SLC44A1: variants seen among roughly 807,000 people sequenced by gnomAD.
SLC44A1 encodes choline transporter-like protein 1.
A neutral mutation model predicts 79.3 loss-of-function variants in SLC44A1; 26 were observed. The ratio of observed to expected loss-of-function variants is 0.33; its 90% CI spans 0.24 to 0.46. The LOEUF is 0.46. Among genes scored for constraint, SLC44A1 ranks in the 20% least tolerant of loss-of-function variants. The pLI is 1.00. For synonymous variants in SLC44A1, 263 were observed against 286.2 expected (o/e 0.92, Z 0.82); for missense variants, 688 against 798.1 (o/e 0.86, Z 1.66).
In SLC44A1 at chr9:105,390,723, A is replaced by T; in HGVS notation, c.*1667A>T. 1.0e-6 allele frequency: 1 copy of T among 985,628 alleles called. No individual in the cohort carries two copies. The highest frequency in any genetic ancestry group is 1.2e-6 in the Non-Finnish European group (1 of 829,780). The allele number at this position is 985,628 out of a possible 1,614,324, so 61.1% of individuals were successfully genotyped here. On this transcript the variant is annotated 3_prime_UTR_variant, in exon 16 of 16. Coordinates refer to ENST00000374720, the MANE Select transcript of SLC44A1 (RefSeq NM_080546.5). ...GCTAAATGCCTTGGTTTCTTTTAAA[A>T]GTTCATGTAATATTTCTGATTTTTC...
intron 13 of SLC44A1, among the ~76,000 whole-genome samples, chr9:105,379,376 A>G (rs1373804450): frequency 6.6e-6 from 1 of 152,198 alleles, no homozygotes; most frequent in Non-Finnish European, 1.5e-5. Flanking sequence ...AACAAAGTGA[A>G]GGGTTCCAGT....
chr9:105,291,777 A>T (rs890492972), intron 1 of SLC44A1, among the ~76,000 whole-genome samples: 10 of 152,194 alleles, frequency 6.6e-5, no homozygotes, highest in African/African-American at 2.4e-4. Context: ...TTTGCTTGTC[A>T]TGAGGTATAG....
Position 105,364,649 on chromosome 9 carries a change from G to A in SLC44A1, c.1182G>A (p.Trp394Ter). The change falls in exon 10 of 16, where the codon TGG (tryptophan) becomes TGA (stop). Residue 394 changes from tryptophan (W) to a stop codon, truncating the protein, a stop_gained. Transcript: ENST00000374720. LOFTEE classifies it high-confidence loss of function. ...MWWYHVVGLI[W>*]ISEFILACQQ... ...GGTACCATGTGGTGGGCCTGATTTG[G>A]ATCAGTGAATTTATTCTAGCATGTC... 6.2e-7 allele frequency: 1 copy of A among 1,614,140 alleles called. No homozygotes were observed. The highest frequency in any genetic ancestry group is 8.5e-7 in the Non-Finnish European group (1 of 1,179,996).
chr9:105,397,028 C>CG lies in SLC44A1; in HGVS notation c.*7972_*7973insG. The CG allele has an allele frequency of 1.0e-6, 1 of 985,090 alleles. No individual in the cohort carries two copies. The highest frequency in any genetic ancestry group is 4.7e-5 in the South Asian group (1 of 21,280). 61.0% of individuals were successfully genotyped at this position (985,090 alleles called of 1,614,324 possible). ...CTTTGCAGATGGAGCATTATGCTCT[C>CG]AGAGGACTTTAAAAATATGTATATT... On this transcript the variant is annotated 3_prime_UTR_variant, in exon 16 of 16. Coordinates refer to ENST00000374720, the MANE Select transcript of SLC44A1 (RefSeq NM_080546.5).
At chr9:105,267,572 C>G (rs1389970145) in intron 1 of SLC44A1, among the ~76,000 whole-genome samples, 1 of 152,076 alleles carries the variant, frequency 6.6e-6, no homozygotes, top group Non-Finnish European at 1.5e-5. Flanking sequence ...TTTATTTCTG[C>G]TATGATTTCT....
chr9:105,330,966 C>A (rs1175153271), intron 3 of SLC44A1, among the ~76,000 whole-genome samples: 1 of 152,214 alleles, frequency 6.6e-6, no homozygotes, highest in Admixed American at 6.5e-5. Flanking sequence ...TCTGTATCAT[C>A]TGATCATGCT....
rs1317927088 is a variant in SLC44A1 at position 105,269,401 on chromosome 9, T to TTCC, written c.36+24501_36+24503dup. 7.9e-5 allele frequency among the ~76,000 whole-genome samples: 12 copies of TTCC among 152,210 alleles called. No individual in the cohort carries two copies. The South Asian group carries it at 8.3e-4, about 11-fold the overall frequency. On this transcript the variant is annotated intron_variant, in intron 1 of 15. Coordinates refer to ENST00000374720, the MANE Select transcript of SLC44A1 (RefSeq NM_080546.5). ...ACAGCTGACCTGTACTTTAGTCCAT[T>TTCC]TCCTCCCATGTTATCCCCTGAAATA...
intron 3 of SLC44A1, among the ~76,000 whole-genome samples, chr9:105,320,749 A>G (rs945879718): frequency 6.6e-6 from 1 of 152,100 alleles, no homozygotes; most frequent in African/African-American, 2.4e-5. Context: ...GTCACCATGC[A>G]TGTCTCTGTT....
At chr9:105,339,874 T>G (rs1279951808) in intron 4 of SLC44A1, among the ~76,000 whole-genome samples, 1 of 152,038 alleles carries the variant, frequency 6.6e-6, no homozygotes, top group East Asian at 1.9e-4. Flanking sequence ...ATACATGCAA[T>G]GGAATATTAT....
intron 15 of SLC44A1, among the ~76,000 whole-genome samples, chr9:105,421,058 C>T (rs1158363814): frequency 3.3e-5 from 5 of 151,924 alleles, no homozygotes; most frequent in East Asian, 1.9e-4. Flanking sequence ...TAGGTTTAAC[C>T]GTATCATATA....
At chr9:105,327,625 C>T (rs1227370396) in intron 3 of SLC44A1, among the ~76,000 whole-genome samples, 1 of 152,128 alleles carries the variant, frequency 6.6e-6, no homozygotes, top group Admixed American at 6.5e-5. Flanking sequence ...GTCTATGAAC[C>T]ATCCTGACCA....
intron 9 of SLC44A1, 127 bp downstream of exon 9, chr9:105,363,134 T>G: frequency 1.4e-6 from 1 of 703,382 alleles, no homozygotes; most frequent in African/African-American, 1.8e-5. Context: ...GAACTTGTAG[T>G]GGTTATGGCT....
intron 1 of SLC44A1, among the ~76,000 whole-genome samples, chr9:105,253,945 A>G (rs1829645978): frequency 6.6e-6 from 1 of 151,814 alleles, no homozygotes; most frequent in Admixed American, 6.6e-5. Flanking sequence ...CTGGTCTCGA[A>G]CTCCTGACCT....
chr9:105,263,768 C>T (rs1210417057), intron 1 of SLC44A1, among the ~76,000 whole-genome samples: 2 of 152,048 alleles, frequency 1.3e-5, no homozygotes, highest in Non-Finnish European at 2.9e-5. Flanking sequence ...AACTCCTGAC[C>T]TCAGGTGATC....
chr9:105,398,866 C>T (rs1409773544), downstream of SLC44A1, among the ~76,000 whole-genome samples: 1 of 152,122 alleles, frequency 6.6e-6, no homozygotes, highest in Non-Finnish European at 1.5e-5. Context: ...TCCTGGGCCA[C>T]ACTGGAAGAG....
rs944001488 is a variant in SLC44A1, at chr9:105,389,432, A to G, written c.*376A>G. ...ATAGGTAAAATTATTGTACCTAATT[A>G]TGTCTAAAGTTTATTCAGGGGTAAT... is the stretch of plus-strand genomic sequence containing the variant. On this transcript the variant is annotated 3_prime_UTR_variant, in exon 16 of 16. Coordinates refer to ENST00000374720, the MANE Select transcript of SLC44A1 (RefSeq NM_080546.5). 1 of 1,031,346 alleles carries G rather than the reference A, an allele frequency of 9.7e-7. No individual in the cohort carries two copies. Among genetic ancestry groups the G allele is most frequent in the Non-Finnish European group, 1.2e-6 (1 of 857,492 alleles). The allele number at this position is 1,031,346 out of a possible 1,614,324, so 63.9% of individuals were successfully genotyped here. A position where few individuals can be genotyped will look rare whatever the true frequency, so the allele number is the denominator to read the frequency against.
chr9:105,386,162 G>T (rs1828621028), intron 15 of SLC44A1: 1 of 975,708 alleles, frequency 1.0e-6, no homozygotes, highest in Non-Finnish European at 1.2e-6. Flanking sequence ...ATATGTATAT[G>T]TACACAAATA....
chr9:105,272,934 A>G (rs1053482900), intron 1 of SLC44A1, among the ~76,000 whole-genome samples: 4 of 151,830 alleles, frequency 2.6e-5, no homozygotes, highest in African/African-American at 9.7e-5. Context: ...ATAATGTTAA[A>G]ATAATTTCAG....
intron 3 of SLC44A1, among the ~76,000 whole-genome samples, chr9:105,316,830 G>GT (rs1437949836): frequency 6.6e-6 from 1 of 152,336 alleles, no homozygotes; most frequent in Admixed American, 6.5e-5. Flanking sequence ...TAATGTTGCT[G>GT]TAACAAATTA....
Sources: gnomAD v4.1 joint callset for allele counts (sites outside exome capture counted in the v4.1 genomes callset) on GRCh38, gnomAD v4.1.1 for gene constraint, MANE v1.5 for transcripts, NCBI Gene and HGNC (gene_info 2026-07-23, HGNC 2026-07-21) for gene names.